Variants in UBE2E2 observed in about 807,000 individuals in gnomAD.
UBE2E2 encodes the protein ubiquitin-conjugating enzyme E2 E2.
UBE2E2 carries 6 observed loss-of-function variants against 24.7 expected under a neutral mutation model. The ratio of observed to expected loss-of-function variants is 0.24; its 90% CI spans 0.13 to 0.48. The LOEUF (loss-of-function observed/expected upper bound fraction) is 0.48, where lower values mean the gene tolerates loss of function less well. UBE2E2 is among the 20% of genes least tolerant of loss of function. The pLI is 0.99. For synonymous variants in UBE2E2, 104 were observed against 83.6 expected (o/e 1.24, Z -1.33); for missense variants, 169 against 245.0 (o/e 0.69, Z 2.07).
At chr3:23,308,332 C>T (rs925465359) in intron 3 of UBE2E2, among the ~76,000 whole-genome samples, 5 of 152,152 alleles carry the variant, frequency 3.3e-5, no homozygotes, top group Admixed American at 2.0e-4. Flanking sequence ...GACATGAGTT[C>T]TCCCATTATT....
At chr3:23,291,933 A>C (rs1241151052) in intron 3 of UBE2E2, among the ~76,000 whole-genome samples, 1 of 136,174 alleles carries the variant, frequency 7.3e-6, no homozygotes, top group Non-Finnish European at 1.5e-5. Context: ...ATCTCGGCTC[A>C]CTGCAGGCTC....
At chr3:23,563,635 T>G (rs1695991530) in intron 5 of UBE2E2, among the ~76,000 whole-genome samples, 1 of 152,130 alleles carries the variant, frequency 6.6e-6, no homozygotes, top group South Asian at 2.1e-4. Context: ...TATTTCTTCT[T>G]TGAAGCTTTT....
chr3:23,486,151 G>A (rs1699363360), intron 3 of UBE2E2, among the ~76,000 whole-genome samples: 1 of 152,208 alleles, frequency 6.6e-6, no homozygotes, highest in South Asian at 2.1e-4. Flanking sequence ...GTGGCGAGGG[G>A]TGTGTGAGTG....
At chr3:23,349,784 T>C (rs962873157) in intron 3 of UBE2E2, among the ~76,000 whole-genome samples, 5 of 152,232 alleles carry the variant, frequency 3.3e-5, no homozygotes, top group Non-Finnish European at 7.3e-5. Flanking sequence ...CCTGCCTCTG[T>C]AGGCTCCACC....
chr3:23,546,683 G>C (rs1695532201), intron 5 of UBE2E2, among the ~76,000 whole-genome samples: 1 of 151,758 alleles, frequency 6.6e-6, no homozygotes, highest in African/African-American at 2.4e-5. Context: ...ATGTTGGTCA[G>C]GCTGGTCTCA....
At chr3:23,207,408 T>A (rs555534248) in intron 1 of UBE2E2, among the ~76,000 whole-genome samples, 1 of 150,014 alleles carries the variant, frequency 6.7e-6, no homozygotes, top group Non-Finnish European at 1.5e-5. Context: ...CCTTGAGGGA[T>A]ATTTTAGCCA....
At chr3:23,386,652 T>C (rs1220312200) in intron 3 of UBE2E2, among the ~76,000 whole-genome samples, 1 of 152,236 alleles carries the variant, frequency 6.6e-6, no homozygotes, top group African/African-American at 2.4e-5. Context: ...ACAAGCATAT[T>C]GAAGTGAATT....
At chr3:23,503,147 T>C (rs572229970) in intron 4 of UBE2E2, among the ~76,000 whole-genome samples, 1 of 151,936 alleles carries the variant, frequency 6.6e-6, no homozygotes, top group East Asian at 1.9e-4. Flanking sequence ...CTTTGTTTTT[T>C]GGGGTTTTTT....
rs1249621399 is a variant in UBE2E2 at position 23,407,918 on chromosome 3, G to A, written c.228-91690G>A. ...TAATTTGAAGTTTATAGAAATTAGT[G>A]GGTATTGGAACCTTCTGAAATGAAA... is the stretch of plus-strand genomic sequence containing the variant. On this transcript the variant is annotated intron_variant, in intron 3 of 5. Transcript: ENST00000396703. The surrounding 1 kb of genome is among the most constrained non-coding windows in gnomAD (Gnocchi z 4.0). Among the ~76,000 whole-genome samples, 1 of 147,988 alleles carries A rather than the reference G, an allele frequency of 6.8e-6. No homozygotes were observed. The highest frequency in any genetic ancestry group is 1.5e-5 in the Non-Finnish European group (1 of 67,378).
chr3:23,338,177 G>A (rs1332830563), intron 3 of UBE2E2, among the ~76,000 whole-genome samples: 1 of 152,120 alleles, frequency 6.6e-6, no homozygotes, highest in African/African-American at 2.4e-5. Context: ...TGTTATTTGT[G>A]CATTTTATGA....
At chr3:23,278,583 T>C (rs544624352) in intron 3 of UBE2E2, among the ~76,000 whole-genome samples, 6 of 152,248 alleles carry the variant, frequency 3.9e-5, no homozygotes, top group Admixed American at 3.9e-4. Context: ...TTAACTATCA[T>C]TGTAGCTTTA....
chr3:23,589,712 C>G lies in UBE2E2; in HGVS notation c.509-22C>G. 2 of 1,613,120 alleles carry G rather than the reference C, an allele frequency of 1.2e-6. No homozygotes were observed. The highest frequency in any genetic ancestry group is 1.7e-6 in the Non-Finnish European group (2 of 1,179,276). On this transcript the variant is annotated intron_variant, in intron 5 of 5. Transcript: ENST00000396703. The surrounding 1 kb of genome is among the most constrained non-coding windows in gnomAD (Gnocchi z 4.1). ...CCCACAGTGCTGGTATTTACTGACT[C>G]CCAACTCTGCTTTCCTTGCAGCTGA...
At chr3:23,524,495 A>T (rs1694946373) in intron 4 of UBE2E2, among the ~76,000 whole-genome samples, 1 of 152,184 alleles carries the variant, frequency 6.6e-6, no homozygotes, top group Non-Finnish European at 1.5e-5. Context: ...AGATGAAGAA[A>T]CTGAATCTCA....
chr3:23,568,746 T>C (rs1321024311), intron 5 of UBE2E2, among the ~76,000 whole-genome samples: 1 of 147,476 alleles, frequency 6.8e-6, no homozygotes, highest in African/African-American at 2.5e-5. Context: ...TATATATATA[T>C]ATATGTATAA....
chr3:23,586,677 T>G (rs1575726248), intron 5 of UBE2E2, among the ~76,000 whole-genome samples: 1 of 152,308 alleles, frequency 6.6e-6, no homozygotes, highest in East Asian at 1.9e-4. Context: ...AATTTAAGAT[T>G]TGTATAACTT....
chr3:23,498,923 T>C (rs750346625), intron 3 of UBE2E2, among the ~76,000 whole-genome samples: 9 of 152,222 alleles, frequency 5.9e-5, no homozygotes, highest in Non-Finnish European at 1.0e-4. Flanking sequence ...CTAGTAGCCA[T>C]GTGGCTTCTT....
chr3:23,550,014 CAG>C (rs1162591788), intron 5 of UBE2E2, among the ~76,000 whole-genome samples: 1 of 141,742 alleles, frequency 7.1e-6, no homozygotes, highest in African/African-American at 2.6e-5. Context: ...GCCTGGGTAA[CAG>C]AGAGAGACTC....
rs548008307 is a variant in UBE2E2, at chr3:23,225,543, G to T, written c.227+8231G>T. 1.1e-4 allele frequency among the ~76,000 whole-genome samples: 16 copies of T among 151,686 alleles called. No homozygotes were observed. In the South Asian group the frequency reaches 2.1e-3, roughly 20 times the overall value. On this transcript the variant is annotated intron_variant, in intron 3 of 5. Transcript: ENST00000396703. The stretch of plus-strand genomic sequence containing the variant: ...TAGACCCAGTGTCCCAGCACCATTC[G>T]TTGAAAAGACTATTTTTTACACTGA...
chr3:23,564,587 T>A (rs1696020330), intron 5 of UBE2E2, among the ~76,000 whole-genome samples: 3 of 152,078 alleles, frequency 2.0e-5, no homozygotes, highest in African/African-American at 7.2e-5. Context: ...TATACAGAAT[T>A]AAAAGGAAAT....
Sources: gnomAD v4.1 joint callset for allele counts (sites outside exome capture counted in the v4.1 genomes callset) on GRCh38, gnomAD v4.1.1 for gene constraint, Gnocchi (gnomAD v3.1) non-coding constraint, MANE v1.5 for transcripts, NCBI Gene and HGNC (gene_info 2026-07-23, HGNC 2026-07-21) for gene names.